The following DNAH3 variants were observed in gnomAD, a reference collection of about 807,000 sequenced individuals.
The protein encoded by DNAH3 is dynein axonemal heavy chain 3.
Under a neutral mutation model 432.5 loss-of-function variants are expected in DNAH3, and 332 were observed. That is an observed-to-expected ratio of 0.77 (90% confidence interval 0.70 to 0.84). DNAH3 has a LOEUF of 0.84. Among genes scored for constraint, DNAH3 ranks in the 40% least tolerant of loss-of-function variants. The probability of loss-of-function intolerance (pLI) is 0.00; values close to 1 mark genes in which losing one functional copy is unlikely to be tolerated. For synonymous variants in DNAH3, 1,956 were observed against 1,900.2 expected, an observed-to-expected ratio of 1.03 and a Z score of -0.76; for missense variants, 4,861 against 5,114.0, an observed-to-expected ratio of 0.95 and a Z score of 1.51.
At chr16:21,137,548 A>G (rs1423548860) in intron 5 of DNAH3, among the ~76,000 whole-genome samples, 1 of 151,278 alleles carries the variant, frequency 6.6e-6, no homozygotes, top group African/African-American at 2.4e-5. Flanking sequence ...TCAGCCTCCC[A>G]AGTAGCTGGG....
At chr16:20,966,269 C>T (rs1244112954) in intron 52 of DNAH3, among the ~76,000 whole-genome samples, 1 of 151,556 alleles carries the variant, frequency 6.6e-6, no homozygotes, top group Non-Finnish European at 1.5e-5. Context: ...GAACTCCTGA[C>T]CTCAGGTGAT....
At chr16:21,055,977 A>G (rs934187011) in intron 27 of DNAH3, among the ~76,000 whole-genome samples, 1 of 151,502 alleles carries the variant, frequency 6.6e-6, no homozygotes, top group Admixed American at 6.6e-5. Context: ...GCCTCAAGCA[A>G]TCCTCCCGCC....
rs987840646 is a variant in DNAH3, at chr16:20,952,315, C to T, written c.11188+118G>A. 5.1e-5 allele frequency: 34 copies of T among 672,314 alleles called. No homozygotes were observed. The Admixed American group carries it at 5.7e-4, about 11-fold the overall frequency. The allele number at this position is 672,314 out of a possible 1,614,324, so 41.6% of individuals were successfully genotyped here. On this transcript the variant is annotated intron_variant, in intron 56 of 61. Transcript: ENST00000261383. ...ATGATGACCAGCATTAGTAAGAGCT[C>T]GATGTTTATGGTGAGGGAGGGAGGG...
chr16:21,106,568 T>A (rs2091951826), exon 15 of DNAH3: 1 of 1,612,524 alleles, frequency 6.2e-7, no homozygotes, highest in South Asian at 1.1e-5. Context: ...TTGAACACAG[T>A]GACAGCACTG....
chr16:21,095,313 G>A (rs564166394), intron 18 of DNAH3, among the ~76,000 whole-genome samples: 2 of 152,280 alleles, frequency 1.3e-5, no homozygotes, highest in African/African-American at 4.8e-5. Context: ...TGAAAACAGT[G>A]GGTAAATGGT....
chr16:21,042,950 C>G (rs2089514165), intron 31 of DNAH3, among the ~76,000 whole-genome samples: 1 of 152,110 alleles, frequency 6.6e-6, no homozygotes, highest in Admixed American at 6.5e-5. Flanking sequence ...CGATAGTTTA[C>G]TGAGAATGAT....
chr16:21,039,255 G>A (rs139507886), intron 33 of DNAH3, among the ~76,000 whole-genome samples: 9,849 of 127,662 alleles, frequency 0.077, 462 homozygotes, highest in Admixed American at 0.15. Context: ...GTCTCACTCC[G>A]TCACCCAGGC....
At chr16:21,022,710 T>C (rs1351366083) in intron 39 of DNAH3, among the ~76,000 whole-genome samples, 2 of 152,064 alleles carry the variant, frequency 1.3e-5, no homozygotes, top group East Asian at 1.9e-4. Context: ...ACCTTTGTTA[T>C]ATTTTTTTTA....
chr16:20,959,131 G>A (rs752974708), intron 54 of DNAH3, 48 bp downstream of exon 54: 7 of 1,582,920 alleles, frequency 4.4e-6, no homozygotes, highest in Admixed American at 1.7e-5. Flanking sequence ...CCATCCTGAT[G>A]TCTGGAGGTT....
chr16:21,128,563 C>T (rs1286610521), intron 7 of DNAH3, among the ~76,000 whole-genome samples: 2 of 151,744 alleles, frequency 1.3e-5, no homozygotes, highest in African/African-American at 2.4e-5. Context: ...GGTGTGGTGG[C>T]GGGCGCCTGT....
At chr16:20,947,261 T>G (rs2084090844) in intron 57 of DNAH3, among the ~76,000 whole-genome samples, 1 of 152,122 alleles carries the variant, frequency 6.6e-6, no homozygotes, top group Non-Finnish European at 1.5e-5. Flanking sequence ...TGGAGGTTCC[T>G]GGAGGGTATT....
intron 24 of DNAH3, among the ~76,000 whole-genome samples, chr16:21,063,389 T>C (rs557855944): frequency 1.3e-4 from 20 of 152,180 alleles, no homozygotes; most frequent in African/African-American, 3.6e-4. Flanking sequence ...TGCAAGAACA[T>C]TGTATAGGCA....
intron 44 of DNAH3, among the ~76,000 whole-genome samples, chr16:20,993,832 T>TG (rs1234188997): frequency 2.6e-5 from 4 of 152,130 alleles, no homozygotes; most frequent in Non-Finnish European, 4.4e-5. Context: ...TACAGGCACA[T>TG]GCCACAACAC....
At chr16:21,084,060 C>T (rs1187110407) in intron 19 of DNAH3, among the ~76,000 whole-genome samples, 1 of 151,188 alleles carries the variant, frequency 6.6e-6, no homozygotes, top group Non-Finnish European at 1.5e-5. Flanking sequence ...TTGACTTTTC[C>T]AGGCTGAGTC....
chr16:20,948,400 TG>T, intron 57 of DNAH3, 82 bp downstream of exon 57: 2 of 1,440,016 alleles, frequency 1.4e-6, no homozygotes, highest in Non-Finnish European at 1.9e-6. Context: ...CTGGGATCCC[TG>T]GCTACACTGC....
chr16:21,112,383 C>A (rs142134494), intron 12 of DNAH3, among the ~76,000 whole-genome samples: 1 of 152,020 alleles, frequency 6.6e-6, no homozygotes, highest in Non-Finnish European at 1.5e-5. Flanking sequence ...GAGACATACT[C>A]GAGACTGGGA....
At chr16:20,987,543 T>C (rs1371481565) in intron 46 of DNAH3, 95 bp from the exon 47 acceptor site, 27 of 1,552,400 alleles carry the variant, frequency 1.7e-5, no homozygotes, top group African/African-American at 2.7e-5. Context: ...GATTTGAGGA[T>C]TGAACTAGAT....
chr16:21,112,081 T>A, exon 13 of DNAH3: 1 of 1,611,804 alleles, frequency 6.2e-7, no homozygotes. Flanking sequence ...AACATACTTT[T>A]TGTAGACATT....
At chr16:21,067,070 G>A (rs1219337584) in intron 24 of DNAH3, among the ~76,000 whole-genome samples, 1 of 152,184 alleles carries the variant, frequency 6.6e-6, no homozygotes, top group Non-Finnish European at 1.5e-5. Flanking sequence ...TTTGGACAAC[G>A]TGTGCATTTG....
Sources: gnomAD v4.1 joint callset for allele counts (sites outside exome capture counted in the v4.1 genomes callset) on GRCh38, gnomAD v4.1.1 for gene constraint, MANE v1.5 for transcripts, NCBI Gene and HGNC (gene_info 2026-07-23, HGNC 2026-07-21) for gene names.